The following ARNT variants were observed in gnomAD, a reference collection of about 807,000 sequenced individuals.
ARNT encodes the protein aryl hydrocarbon receptor nuclear translocator, also known as class E basic helix-loop-helix protein 2.
A neutral mutation model predicts 105.0 loss-of-function variants in ARNT; 30 were observed. The observed-to-expected ratio is 0.29, with a 90% CI of 0.21 to 0.39. The LOEUF is 0.39. Among genes scored for constraint, ARNT ranks in the 10% least tolerant of loss-of-function variants. ARNT has a pLI of 1.00. For synonymous variants in ARNT, 304 were observed against 344.0 expected (o/e 0.88, Z 1.29); for missense variants, 748 against 978.7 (o/e 0.76, Z 3.15).
Position 150,816,865 on chromosome 1 carries a change from G to A in ARNT, c.1725C>T (p.Ser575=). ...ATAGCTGTTGGGTGGCAGGGACAGTGCTGGAGGAGATGCCTTTACTCTGAT... is the reference window on the plus strand; with the variant it reads ...ATAGCTGTTGGGTGGCAGGGACAGTACTGGAGGAGATGCCTTTACTCTGAT... ...NADQSKGISS[S]TVPATQQLFS... is the part of the protein sequence containing the mutation. The change falls in exon 18 of 22, where the codon AGC becomes AGT. Residue 575 remains serine, a synonymous_variant. Transcript: ENST00000358595. 6.2e-7 allele frequency: 1 copy of A among 1,602,696 alleles called. No homozygotes were observed. Among genetic ancestry groups the A allele is most frequent in the Non-Finnish European group, 8.5e-7 (1 of 1,177,332 alleles).
chr1:150,818,289 G>C (rs1656358729), intron 14 of ARNT: 2 of 344,696 alleles, frequency 5.8e-6, no homozygotes, highest in Admixed American at 4.4e-5. Context: ...CCTGGTTATT[G>C]TGAATGTGTG....
chr1:150,865,982 GT>G (rs199854652), intron 1 of ARNT, among the ~76,000 whole-genome samples: 155 of 137,670 alleles, frequency 1.1e-3, no homozygotes, highest in Middle Eastern at 3.7e-3. Context: ...TTACTCCAAA[GT>G]TTTTTTTTTT....
chr1:150,815,480 C>T (rs1265493327), intron 19 of ARNT, among the ~76,000 whole-genome samples: 2 of 149,238 alleles, frequency 1.3e-5, no homozygotes, highest in African/African-American at 4.9e-5. Context: ...ACCCAGGAAG[C>T]GGAGCTTGCA....
At chr1:150,839,703 T>C in intron 5 of ARNT, 49 bp from the exon 6 acceptor site, 2 of 1,552,642 alleles carry the variant, frequency 1.3e-6, no homozygotes, top group South Asian at 1.2e-5. Flanking sequence ...CATCTGGTCA[T>C]TTGGTAGCAG....
chr1:150,859,163 T>C (rs1352268850), intron 1 of ARNT, among the ~76,000 whole-genome samples: 1 of 152,088 alleles, frequency 6.6e-6, no homozygotes, highest in Non-Finnish European at 1.5e-5. Flanking sequence ...TTTATTGTGA[T>C]TGGAAAATAC....
intron 1 of ARNT, among the ~76,000 whole-genome samples, chr1:150,866,919 A>G (rs1454197486): frequency 6.6e-6 from 1 of 152,130 alleles, no homozygotes; most frequent in African/African-American, 2.4e-5. Flanking sequence ...GATTATTCAA[A>G]TAGAGGCTGG....
intron 1 of ARNT, 135 bp downstream of exon 1, chr1:150,876,408 C>T: frequency 1.4e-6 from 2 of 1,457,710 alleles, no homozygotes; most frequent in Non-Finnish European, 1.8e-6. Context: ...CACCGCTCCC[C>T]CACCGTCTCT....
chr1:150,874,436 C>T (rs1036670618), intron 1 of ARNT, among the ~76,000 whole-genome samples: 2 of 152,080 alleles, frequency 1.3e-5, no homozygotes, highest in Non-Finnish European at 1.5e-5. Context: ...ATCTGTATTC[C>T]CAACTTGGAG....
intron 16 of ARNT, 60 bp downstream of exon 16, chr1:150,817,301 C>G (rs1025030909): frequency 1.1e-5 from 17 of 1,610,366 alleles, no homozygotes; most frequent in Non-Finnish European, 1.4e-5. Context: ...TAACTAGTAC[C>G]GGAGAACACT....
At chr1:150,833,080 G>A (rs1410562870) in intron 8 of ARNT, among the ~76,000 whole-genome samples, 1 of 152,144 alleles carries the variant, frequency 6.6e-6, no homozygotes, top group African/African-American at 2.4e-5. Context: ...TCGCCAATGT[G>A]AGATGATGAA....
At chr1:150,871,641 G>A (rs1372022129) in intron 1 of ARNT, among the ~76,000 whole-genome samples, 7 of 148,180 alleles carry the variant, frequency 4.7e-5, no homozygotes, top group Admixed American at 2.7e-4. Context: ...GGAGCATGGC[G>A]GCTCACGCCT....
At position 150,813,346 on chromosome 1, in the gene ARNT, T is replaced by TA; in HGVS notation, c.2114-9dup. 6.3e-7 allele frequency: 1 copy of TA among 1,599,084 alleles called. No homozygotes were observed. The highest frequency in any genetic ancestry group is 8.5e-7 in the Non-Finnish European group (1 of 1,171,882). ...TCTGTCCAGTCTCAGGAGCTAGAAATACAGCAAGGAAGAATAAACAACTCC... is the reference window on the plus strand; with the variant it reads ...TCTGTCCAGTCTCAGGAGCTAGAAATAACAGCAAGGAAGAATAAACAACTCC... On this transcript the variant is annotated splice_polypyrimidine_tract_variant and intron_variant, in intron 20 of 21. Transcript: ENST00000358595.
intron 1 of ARNT, among the ~76,000 whole-genome samples, chr1:150,862,118 C>T (rs1447129641): frequency 6.6e-6 from 1 of 152,116 alleles, no homozygotes; most frequent in Non-Finnish European, 1.5e-5. Context: ...GCAATAAATA[C>T]ACACGTAGAT....
At chr1:150,867,258 C>T (rs1452999598) in intron 1 of ARNT, among the ~76,000 whole-genome samples, 3 of 151,190 alleles carry the variant, frequency 2.0e-5, no homozygotes, top group Admixed American at 6.6e-5. Flanking sequence ...AGCTGGGCAT[C>T]GTGTCATACA....
rs79135687 is a variant in ARNT at position 150,852,881 on chromosome 1, C to T, written c.138-75G>A. The T allele has an allele frequency of 2.3e-3, 3,569 of 1,562,588 alleles. 80 individuals carry two copies. The African/African-American group carries it at 0.043, about 19-fold the overall frequency. Reference sequence around the variant, plus strand: ...ATTAAGAAGTTAAAATTTCTCAACACAAGCTACCGGAACACCCACCCAAAT... The same window carrying T: ...ATTAAGAAGTTAAAATTTCTCAACATAAGCTACCGGAACACCCACCCAAAT... On this transcript the variant is annotated intron_variant, in intron 2 of 21. Transcript: ENST00000358595.
chr1:150,816,887 T>C lies in ARNT; in HGVS notation c.1703A>G (p.Gln568Arg). ...SEIYHNINAD[Q>R]SKGISSSTVP... ...AGTGCTGGAGGAGATGCCTTTACTCTGATCTGTGGACCAAAAGGAGTTGGG... is the reference window on the plus strand; with the variant it reads ...AGTGCTGGAGGAGATGCCTTTACTCCGATCTGTGGACCAAAAGGAGTTGGG... The change falls in exon 18 of 22, where the codon CAG (glutamine) becomes CGG (arginine). Residue 568 changes from glutamine to arginine, a missense_variant. Physicochemically the swap from Gln to Arg is conservative, Grantham distance 43. Transcript: ENST00000358595. 6.2e-7 allele frequency: 1 copy of C among 1,606,190 alleles called. No homozygotes were observed. The highest frequency in any genetic ancestry group is 1.3e-5 in the African/African-American group (1 of 74,180).
chr1:150,872,455 C>T (rs755373137), intron 1 of ARNT, among the ~76,000 whole-genome samples: 3 of 152,198 alleles, frequency 2.0e-5, no homozygotes, highest in Non-Finnish European at 2.9e-5. Context: ...CCTTTTCCTT[C>T]TACATTCTTC....
chr1:150,858,616 A>ATTT (rs113986128), intron 1 of ARNT, among the ~76,000 whole-genome samples, 156 bp from the exon 2 acceptor site: 6 of 137,946 alleles, frequency 4.3e-5, no homozygotes, highest in South Asian at 4.6e-4. Context: ...GCTCTTCTTG[A>ATTT]TTTTTTTTTT....
chr1:150,836,439 A>G lies in ARNT; in HGVS notation c.541T>C (p.Cys181Arg). The change falls in exon 7 of 22, where the codon TGT becomes CGT. Residue 181 changes from cysteine (C) to arginine (R), a missense_variant. Coordinates refer to ENST00000358595, the MANE Select transcript of ARNT (RefSeq NM_001668.4). Reference sequence around the variant, plus strand: ...ACATACACCACCCTGCCTGTCTCACATGAGACAATAAACAGAAAGCCATCT... The same window carrying G: ...ACATACACCACCCTGCCTGTCTCACGTGAGACAATAAACAGAAAGCCATCT... Reference protein sequence around the residue: ...AADGFLFIVSCETGRVVYVSD... With the variant: ...AADGFLFIVSRETGRVVYVSD... The G allele has an allele frequency of 1.2e-6, 2 of 1,614,176 alleles. No individual in the cohort carries two copies. The highest frequency in any genetic ancestry group is 1.7e-6 in the Non-Finnish European group (2 of 1,180,016).
Sources: allele counts gnomAD v4.1 joint callset (sites outside exome capture counted in the v4.1 genomes callset), GRCh38; gene constraint gnomAD v4.1.1; transcripts MANE v1.5; gene names NCBI Gene and HGNC (gene_info 2026-07-23, HGNC 2026-07-21).